SLC25A13: variants seen among roughly 807,000 people sequenced by gnomAD.
The protein encoded by SLC25A13 is solute carrier family 25 member 13.
SLC25A13 carries 70 observed loss-of-function variants against 85.5 expected under a neutral mutation model. That is an observed-to-expected ratio of 0.82 (90% CI 0.68 to 1.00). The LOEUF is 1.00. SLC25A13 is among the 50% of genes least tolerant of loss of function. The pLI is 0.00. For synonymous variants in SLC25A13, 259 were observed against 288.7 expected, an observed-to-expected ratio of 0.90 and a Z score of 1.04; for missense variants, 765 against 819.8, an observed-to-expected ratio of 0.93 and a Z score of 0.82.
intron 2 of SLC25A13, chr7:96,283,650 C>T (rs60698705): frequency 6.9e-6 from 2 of 291,290 alleles, no homozygotes; most frequent in Non-Finnish European, 1.3e-5. Context: ...ATTAAGCACT[C>T]TAAGAGCTGA....
chr7:96,287,228 T>A (rs1004079210), intron 2 of SLC25A13, among the ~76,000 whole-genome samples: 1 of 152,172 alleles, frequency 6.6e-6, no homozygotes, highest in African/African-American at 2.4e-5. Flanking sequence ...CAGATTTGGG[T>A]TGGTACCACA....
intron 2 of SLC25A13, among the ~76,000 whole-genome samples, chr7:96,296,345 C>T (rs1284805821): frequency 2.0e-5 from 3 of 152,080 alleles, no homozygotes; most frequent in Admixed American, 6.6e-5. Flanking sequence ...CTCCAGCAAC[C>T]GCTTTTATTC....
intron 4 of SLC25A13, among the ~76,000 whole-genome samples, chr7:96,230,410 T>C (rs1379348424): frequency 2.0e-5 from 3 of 152,216 alleles, no homozygotes; most frequent in African/African-American, 7.2e-5. Context: ...GATGTAAAAG[T>C]TCAGAAAGAT....
rs184262274 is a variant in SLC25A13 at position 96,160,209 on chromosome 7, C to A, written c.1311+9836G>T. On this transcript the variant is annotated intron_variant, in intron 13 of 17. Transcript: ENST00000265631. ...TTACTAGAAATCCAGAAAGATGGCC[C>A]AATATTTGAACTGTGTTGAGTCAAA... Among the ~76,000 whole-genome samples, 5 of 152,218 alleles carry A rather than the reference C, an allele frequency of 3.3e-5. No individual in the cohort carries two copies. The East Asian group carries it at 9.7e-4, about 29-fold the overall frequency.
chr7:96,181,727 T>C (rs2116620585), intron 11 of SLC25A13, among the ~76,000 whole-genome samples: 1 of 152,256 alleles, frequency 6.6e-6, no homozygotes, highest in South Asian at 2.1e-4. Context: ...TTGAGCAAAA[T>C]TCTGTAATAC....
intron 15 of SLC25A13, among the ~76,000 whole-genome samples, chr7:96,125,752 G>GTT (rs199956538): frequency 0.013 from 1,976 of 147,844 alleles, 46 homozygotes; most frequent in African/African-American, 0.048. Context: ...ATTCTAGAGG[G>GTT]GTTTTTTTTT....
chr7:96,309,331 T>C (rs1799870933), intron 1 of SLC25A13, among the ~76,000 whole-genome samples: 1 of 152,140 alleles, frequency 6.6e-6, no homozygotes, highest in African/African-American at 2.4e-5. Flanking sequence ...AGCCTTTCTG[T>C]AGTCATAGAG....
intron 4 of SLC25A13, among the ~76,000 whole-genome samples, chr7:96,230,263 T>C (rs1226083859): frequency 1.3e-5 from 2 of 152,134 alleles, no homozygotes; most frequent in Non-Finnish European, 2.9e-5. Flanking sequence ...TTAAATTAAG[T>C]TTAAAAACAG....
chr7:96,223,303 T>G (rs1212943202), intron 4 of SLC25A13, among the ~76,000 whole-genome samples: 1 of 152,230 alleles, frequency 6.6e-6, no homozygotes, highest in Non-Finnish European at 1.5e-5. Context: ...AAATTGCACG[T>G]AAAACATATT....
chr7:96,234,726 T>C, intron 4 of SLC25A13, 76 bp downstream of exon 4: 1 of 1,102,238 alleles, frequency 9.1e-7, no homozygotes, highest in Non-Finnish European at 1.4e-6. Flanking sequence ...CTTTATTTTG[T>C]TCCTAGAAAA....
At chr7:96,162,156 G>A (rs1423963743) in intron 13 of SLC25A13, among the ~76,000 whole-genome samples, 1 of 152,118 alleles carries the variant, frequency 6.6e-6, no homozygotes, top group Admixed American at 6.5e-5. Context: ...GGAAATCCTG[G>A]GAAGAAAAAG....
In SLC25A13 at chr7:96,157,779, C is replaced by T. The variant is rs148825848; in HGVS notation, c.1312-11083G>A. Among the ~76,000 whole-genome samples, 182 of 151,450 alleles carry T rather than the reference C, an allele frequency of 1.2e-3. 1 individual carries two copies. The highest frequency in any genetic ancestry group is 3.8e-3 in the African/African-American group (155 of 41,090). On this transcript the variant is annotated intron_variant, in intron 13 of 17. Coordinates refer to ENST00000265631, the MANE Select transcript of SLC25A13 (RefSeq NM_014251.3). The stretch of plus-strand genomic sequence containing the variant: ...TTACACCACTGCACTCCAGCCTGGG[C>T]GACAGAACAAGCCTCTATCTTGGAA...
intron 9 of SLC25A13, among the ~76,000 whole-genome samples, chr7:96,188,665 A>G (rs1239606250): frequency 1.3e-5 from 2 of 152,264 alleles, no homozygotes; most frequent in African/African-American, 4.8e-5. Context: ...GAGTTAAAGG[A>G]GAAAGTTCCA....
At chr7:96,139,679 A>G (rs966610171) in intron 14 of SLC25A13, among the ~76,000 whole-genome samples, 8 of 152,224 alleles carry the variant, frequency 5.3e-5, no homozygotes, top group African/African-American at 1.9e-4. Context: ...TACATCAAGA[A>G]TATGTACACT....
chr7:96,237,364 AC>A (rs1305178369), intron 3 of SLC25A13, among the ~76,000 whole-genome samples: 2 of 152,196 alleles, frequency 1.3e-5, no homozygotes, highest in African/African-American at 4.8e-5. Context: ...AGAGATGAAA[AC>A]AAATGGATGT....
At chr7:96,141,066 G>C (rs1443007724) in intron 14 of SLC25A13, among the ~76,000 whole-genome samples, 2 of 147,712 alleles carry the variant, frequency 1.4e-5, no homozygotes, top group Non-Finnish European at 1.5e-5. Context: ...TGTTGCTAGG[G>C]CTAGAGTGTG....
At chr7:96,205,006 T>C (rs1795404626) in intron 5 of SLC25A13, among the ~76,000 whole-genome samples, 1 of 152,168 alleles carries the variant, frequency 6.6e-6, no homozygotes, top group South Asian at 2.1e-4. Context: ...CCTCCTGGGT[T>C]CAGCGATTCT....
intron 12 of SLC25A13, 127 bp downstream of exon 12, chr7:96,171,345 T>C: frequency 1.2e-6 from 1 of 806,036 alleles, no homozygotes; most frequent in Non-Finnish European, 2.1e-6. Flanking sequence ...GTGTGGTGAG[T>C]TCCCCTGCTT....
At chr7:96,244,449 C>T (rs1456585863) in intron 3 of SLC25A13, among the ~76,000 whole-genome samples, 1 of 152,184 alleles carries the variant, frequency 6.6e-6, no homozygotes, top group African/African-American at 2.4e-5. Context: ...TGAGTGATTA[C>T]CCAATCTTCT....
Sources: gnomAD v4.1 joint callset for allele counts (sites outside exome capture counted in the v4.1 genomes callset) on GRCh38, gnomAD v4.1.1 for gene constraint, MANE v1.5 for transcripts, NCBI Gene and HGNC (gene_info 2026-07-23, HGNC 2026-07-21) for gene names.